BFSP2: variants seen among roughly 807,000 people sequenced by gnomAD.
BFSP2 encodes beaded filament structural protein 2.
In BFSP2, 38 loss-of-function variants were observed where a neutral mutation model predicts 44.9. That is an observed-to-expected ratio of 0.85 (90% CI 0.65 to 1.11). The LOEUF is 1.11. Among genes scored for constraint, BFSP2 ranks in the 50% least tolerant of loss-of-function variants. The probability of loss-of-function intolerance (pLI) is 0.00; values close to 1 mark genes in which losing one functional copy is unlikely to be tolerated. For synonymous variants in BFSP2, 197 were observed against 209.9 expected (o/e 0.94, Z 0.53); for missense variants, 525 against 533.0 (o/e 0.99, Z 0.15).
intron 6 of BFSP2, among the ~76,000 whole-genome samples, chr3:133,474,567 C>T (rs575655546): frequency 2.1e-4 from 32 of 151,246 alleles, no homozygotes; most frequent in Non-Finnish European, 3.1e-4. Flanking sequence ...ATTTTTTTTT[C>T]AGATGCCTAT....
At chr3:133,431,790 C>A (rs547548244) in intron 1 of BFSP2, among the ~76,000 whole-genome samples, 2 of 152,282 alleles carry the variant, frequency 1.3e-5, no homozygotes, top group South Asian at 4.1e-4. Flanking sequence ...GCTTCTAAAC[C>A]TCTTAAAACT....
chr3:133,442,882 A>AT (rs2073858588), intron 1 of BFSP2, among the ~76,000 whole-genome samples: 1 of 144,592 alleles, frequency 6.9e-6, no homozygotes, highest in Non-Finnish European at 1.5e-5. Context: ...TTTTTAATGG[A>AT]TTTTCACTCT....
At chr3:133,430,727 G>T (rs1388017476) in intron 1 of BFSP2, among the ~76,000 whole-genome samples, 1 of 151,662 alleles carries the variant, frequency 6.6e-6, no homozygotes, top group Non-Finnish European at 1.5e-5. Context: ...TTTCCCTCCC[G>T]CCTGTCCCCT....
At chr3:133,415,387 TCCACAAAC>T (rs2073511950) in intron 1 of BFSP2, among the ~76,000 whole-genome samples, 1 of 71,272 alleles carries the variant, frequency 1.4e-5, no homozygotes, top group Non-Finnish European at 2.7e-5. Flanking sequence ...CCCTCTCCCC[TCCACAAAC>T]CCCTCTACTC....
intron 1 of BFSP2, among the ~76,000 whole-genome samples, chr3:133,424,056 G>T (rs2073619070): frequency 1.3e-5 from 2 of 151,042 alleles, no homozygotes; most frequent in African/African-American, 4.9e-5. Context: ...TTTTTGCGGG[G>T]GCGGGGGCGG....
In BFSP2 at chr3:133,466,924, A is replaced by G. The variant is rs1225073569; in HGVS notation, c.988A>G (p.Ser330Gly). ...ACACAACACTTCGTGCCAAGTCCAG[A>G]GCCTCCAGGCTGAGACAGAATCCTT... ...ELHNTSCQVQ[S>G]LQAETESLRA... Residue 330 changes from serine (S) to glycine (G), a missense_variant, in exon 5 of 7, where the codon AGC becomes GGC. Transcript: ENST00000302334. 1 of 1,614,114 alleles carries G rather than the reference A, an allele frequency of 6.2e-7. No homozygotes were observed. Among genetic ancestry groups the G allele is most frequent in the Admixed American group, 1.7e-5 (1 of 60,012 alleles).
chr3:133,409,380 T>A (rs1197310), intron 1 of BFSP2, among the ~76,000 whole-genome samples: 62,839 of 152,080 alleles, frequency 0.41, 14,110 homozygotes, highest in East Asian at 0.5. Flanking sequence ...TAGTCTTGAA[T>A]TTAAATCAGA....
intron 1 of BFSP2, among the ~76,000 whole-genome samples, chr3:133,419,191 C>T (rs1387056699): frequency 1.3e-5 from 2 of 152,140 alleles, no homozygotes; most frequent in Non-Finnish European, 1.5e-5. Flanking sequence ...TAGGGCCCAC[C>T]GTCAGGACCT....
At chr3:133,433,878 C>T (rs1333663126) in intron 1 of BFSP2, among the ~76,000 whole-genome samples, 1 of 152,224 alleles carries the variant, frequency 6.6e-6, no homozygotes, top group Non-Finnish European at 1.5e-5. Context: ...AAGGTACAGC[C>T]CATTTAAGCT....
At chr3:133,431,403 T>A (rs867501334) in intron 1 of BFSP2, among the ~76,000 whole-genome samples, 69 of 152,106 alleles carry the variant, frequency 4.5e-4, no homozygotes, top group African/African-American at 8.9e-4. Context: ...GGAGCTTGCT[T>A]CAAGTGCCAG....
intron 4 of BFSP2, among the ~76,000 whole-genome samples, chr3:133,455,934 T>C (rs1576591707): frequency 1.3e-5 from 2 of 152,226 alleles, no homozygotes; most frequent in African/African-American, 4.8e-5. Context: ...CCTGAGATGC[T>C]CCTTCCATTC....
At chr3:133,466,764 G>A in intron 4 of BFSP2, 64 bp from the exon 5 acceptor site, 1 of 1,574,406 alleles carries the variant, frequency 6.4e-7, no homozygotes, top group East Asian at 2.4e-5. Context: ...AGAAAGGCTG[G>A]GAAGGAAGGA....
intron 1 of BFSP2, among the ~76,000 whole-genome samples, chr3:133,423,830 GACTCCTATAATC>G (rs2107896326): frequency 6.6e-6 from 1 of 152,170 alleles, no homozygotes; most frequent in Non-Finnish European, 1.5e-5. Context: ...TCAAGCCCTG[GACTCCTATAATC>G]ACCTCCTGAC....
chr3:133,455,736 C>T (rs1278362503), intron 4 of BFSP2: 1 of 152,258 alleles, frequency 6.6e-6, no homozygotes, highest in Non-Finnish European at 1.5e-5. Flanking sequence ...CAAACCCCCA[C>T]CATCTCACCT....
Position 133,400,283 on chromosome 3 carries a change from G to A in BFSP2, c.200G>A (p.Gly67Asp), listed in dbSNP as rs748304663. Residue 67 changes from glycine (G) to aspartate (D), a missense_variant, in exon 1 of 7, where the codon GGT becomes GAT. Gly to Asp is a moderately conservative substitution (Grantham distance 94, BLOSUM62 -1). Transcript: ENST00000302334. The surrounding 1 kb of genome is among the most constrained non-coding windows in gnomAD (Gnocchi z 4.0). Reference sequence around the variant, plus strand: ...GGAACAGCACCCAGTGGGTGCATAGGTGGCTTGGGTGCCCGTGTGACCCGC... The same window carrying A: ...GGAACAGCACCCAGTGGGTGCATAGATGGCTTGGGTGCCCGTGTGACCCGC... ...YVGTAPSGCIGGLGARVTRRA... is the reference protein window; with the variant it reads ...YVGTAPSGCIDGLGARVTRRA... The A allele has an allele frequency of 2.8e-5, 45 of 1,613,936 alleles. No homozygotes were observed. The South Asian group carries it at 4.9e-4, about 18-fold the overall frequency.
chr3:133,429,087 C>G (rs1327685125), intron 1 of BFSP2, among the ~76,000 whole-genome samples: 3 of 152,134 alleles, frequency 2.0e-5, no homozygotes, highest in Non-Finnish European at 4.4e-5. Context: ...CCCTTGTACT[C>G]TGTCCTGATT....
intron 1 of BFSP2, among the ~76,000 whole-genome samples, chr3:133,406,148 AG>A (rs1387306757): frequency 5.3e-5 from 8 of 151,006 alleles, no homozygotes; most frequent in African/African-American, 1.9e-4. Context: ...TAGTAGAGAC[AG>A]GGTTTCACCA....
chr3:133,457,776 A>G (rs573294487), intron 4 of BFSP2, among the ~76,000 whole-genome samples: 31 of 152,230 alleles, frequency 2.0e-4, no homozygotes, highest in Non-Finnish European at 4.0e-4. Flanking sequence ...AATAGTTGCA[A>G]CAGAGACCAT....
Position 133,400,764 on chromosome 3 carries a change from A to G in BFSP2, c.489+192A>G, listed in dbSNP as rs763934683. On this transcript the variant is annotated intron_variant, in intron 1 of 6. Coordinates refer to ENST00000302334, the MANE Select transcript of BFSP2 (RefSeq NM_003571.4). The surrounding 1 kb of genome is among the most constrained non-coding windows in gnomAD (Gnocchi z 4.0). ...TTACTAGGAGCCCACGCTAGCCCCC[A>G]TACGTGCACTACCCACTGTCTTCTT... is the stretch of plus-strand genomic sequence containing the variant. Among the ~76,000 whole-genome samples, 22 of 152,230 alleles carry G rather than the reference A, an allele frequency of 1.4e-4. No homozygotes were observed. The highest frequency in any genetic ancestry group is 8.8e-5 in the Non-Finnish European group (6 of 68,034).
Sources: gnomAD v4.1 joint callset for allele counts (sites outside exome capture counted in the v4.1 genomes callset) on GRCh38, gnomAD v4.1.1 for gene constraint, Gnocchi (gnomAD v3.1) non-coding constraint, MANE v1.5 for transcripts, NCBI Gene and HGNC (gene_info 2026-07-23, HGNC 2026-07-21) for gene names.